Variants in TMEM40 observed in about 807,000 individuals in gnomAD.
TMEM40 encodes transmembrane protein 40.
Under a neutral mutation model 40.8 loss-of-function variants are expected in TMEM40, and 34 were observed. The observed-to-expected ratio is 0.83, with a 90% CI of 0.63 to 1.11. The LOEUF is 1.11. TMEM40 is among the 50% of genes least tolerant of loss of function. The probability of loss-of-function intolerance (pLI) is 0.00; values close to 1 mark genes in which losing one functional copy is unlikely to be tolerated. For missense variants in TMEM40, 296 were observed against 280.2 expected (o/e 1.06, Z -0.40); for synonymous variants, 106 against 107.0 (o/e 0.99, Z 0.06).
chr3:12,742,493 C>T lies in TMEM40; in HGVS notation c.316G>A (p.Glu106Lys), dbSNP rs764930665. ...GNGSPGPGHGEPDVLKDELQL... is the reference protein window; with the variant it reads ...GNGSPGPGHGKPDVLKDELQL... ...AGCTCATCCTTCAAAACGTCAGGCT[C>T]CCCATGCCCAGGACCTGGATGGAGA... The change falls in exon 5 of 12, where the codon GAG becomes AAG. Residue 106 changes from glutamate to lysine, a missense_variant. Coordinates refer to ENST00000314124, the MANE Select transcript of TMEM40 (RefSeq NM_018306.4). The T allele has an allele frequency of 1.2e-6, 2 of 1,614,004 alleles. No homozygotes were observed. The highest frequency in any genetic ancestry group is 2.2e-5 in the South Asian group (2 of 91,062).
rs1005683492 is a variant in TMEM40, at chr3:12,745,992, G to A, written c.212-2003C>T. On this transcript the variant is annotated intron_variant, in intron 3 of 11. Transcript: ENST00000314124. Reference sequence around the variant, plus strand: ...AGCTCACTGCTACCTCTGCCTCCCCGGCTTAAGTGATTCTCCTGCCTCAGC... The same window carrying A: ...AGCTCACTGCTACCTCTGCCTCCCCAGCTTAAGTGATTCTCCTGCCTCAGC... Among the ~76,000 whole-genome samples the A allele has an allele frequency of 7.3e-5, 11 of 151,422 alleles. No individual in the cohort carries two copies. In the East Asian group the frequency reaches 7.7e-4, roughly 11 times the overall value.
rs1305834984 is a variant in TMEM40, at chr3:12,736,574, T to A, written c.619+4A>T. ...TGTGTGTCCATGCTGGGGGAGGGGC[T>A]TACCTAGTCCGAAGTAGATGCCAAC... is the stretch of plus-strand genomic sequence containing the variant. On this transcript the variant is annotated splice_donor_region_variant and intron_variant, in intron 10 of 11. Transcript: ENST00000314124. 1.3e-6 allele frequency: 2 copies of A among 1,553,182 alleles called. No individual in the cohort carries two copies.
intron 1 of TMEM40, among the ~76,000 whole-genome samples, chr3:12,767,678 A>G (rs1474778668): frequency 6.6e-6 from 1 of 152,160 alleles, no homozygotes; most frequent in Non-Finnish European, 1.5e-5. Context: ...TGCTCTGAGC[A>G]GGGGCCCCAG....
At chr3:12,769,232 C>G (rs1010689941) in intron 1 of TMEM40, 2 of 407,686 alleles carry the variant, frequency 4.9e-6, no homozygotes, top group South Asian at 1.7e-5. Context: ...GGTTCCCGCC[C>G]GTGCCTTTCT....
In TMEM40 at chr3:12,748,680, T is replaced by C. The variant is rs1293946557; in HGVS notation, c.186A>G (p.Ser62=). 2 of 1,612,734 alleles carry C rather than the reference T, an allele frequency of 1.2e-6. No individual in the cohort carries two copies. Among genetic ancestry groups the C allele is most frequent in the African/African-American group, 1.3e-5 (1 of 74,976 alleles). Residue 62 remains serine, a synonymous_variant, in exon 3 of 12, where the codon TCA becomes TCG. Coordinates refer to ENST00000314124, the MANE Select transcript of TMEM40 (RefSeq NM_018306.4). ...CTGAGGAGGAGGAGGATGAAGAAGA[T>C]GAGGAGGATGAGGAGGAAGAGGAGG... ...SSSSSSSSSS[S]SSSSSSSSES...
intron 8 of TMEM40, 137 bp downstream of exon 8, chr3:12,737,570 G>A (rs2061346837): frequency 1.3e-6 from 1 of 780,354 alleles, no homozygotes; most frequent in Admixed American, 2.2e-5. Context: ...GTGATTCTGA[G>A]CTGAGTAATG....
chr3:12,762,704 C>G (rs1301885145), upstream of TMEM40, among the ~76,000 whole-genome samples: 3 of 152,122 alleles, frequency 2.0e-5, no homozygotes, highest in African/African-American at 7.2e-5. Context: ...TAGATATTTT[C>G]AAAATATAGT....
intron 1 of TMEM40, among the ~76,000 whole-genome samples, chr3:12,755,215 C>CTCTCTCTCTCTCTCTCTCTCTCTTTCTT (rs2061513030): frequency 3.1e-5 from 2 of 65,218 alleles, no homozygotes; most frequent in East Asian, 6.0e-4. Flanking sequence ...TTCTTTCTTT[C>CTCTCTCTCTCTCTCTCTCTCTCTTTCTT]TCTCTCTCTC....
At chr3:12,753,384 T>A (rs1019255043) in intron 1 of TMEM40, among the ~76,000 whole-genome samples, 1 of 151,726 alleles carries the variant, frequency 6.6e-6, no homozygotes, top group African/African-American at 2.4e-5. Context: ...ACCTAGCTAA[T>A]TTTTTAGTTT....
intron 1 of TMEM40, among the ~76,000 whole-genome samples, chr3:12,755,233 C>CTCTCTCTGTCTT (rs1553634013): frequency 4.8e-4 from 29 of 59,964 alleles, no homozygotes; most frequent in African/African-American, 1.9e-3. Flanking sequence ...CTCTCTCTCT[C>CTCTCTCTGTCTT]TCTTTCTTTC....
At position 12,757,335 on chromosome 3, in the gene TMEM40, G is replaced by A. The variant is rs187818814; in HGVS notation, c.-9+1856C>T. ...AAATACAAAATTAGCTGGGCATGGT[G>A]GCAGGTGCCTGTAATCCCAGCTACT... On this transcript the variant is annotated intron_variant, in intron 1 of 11. Coordinates refer to ENST00000314124, the MANE Select transcript of TMEM40 (RefSeq NM_018306.4). Among the ~76,000 whole-genome samples, 333 of 152,170 alleles carry A rather than the reference G, an allele frequency of 2.2e-3. 2 individuals carry two copies. The highest frequency in any genetic ancestry group is 7.6e-3 in the African/African-American group (315 of 41,512).
upstream of TMEM40, among the ~76,000 whole-genome samples, chr3:12,764,101 C>CGG (rs370285323): frequency 1.3e-5 from 2 of 151,678 alleles, no homozygotes; most frequent in African/African-American, 4.8e-5. Context: ...TTAGTAGAGA[C>CGG]GGGGGTCTCA....
At chr3:12,766,138 G>C (rs1575749558) in intron 1 of TMEM40, among the ~76,000 whole-genome samples, 2 of 152,164 alleles carry the variant, frequency 1.3e-5, no homozygotes, top group South Asian at 4.2e-4. Flanking sequence ...GGGATTACAG[G>C]CATGAGCCAC....
At chr3:12,748,396 G>A (rs1187711079) in intron 3 of TMEM40, among the ~76,000 whole-genome samples, 1 of 152,186 alleles carries the variant, frequency 6.6e-6, no homozygotes, top group Non-Finnish European at 1.5e-5. Flanking sequence ...ATTAAAAATA[G>A]CTACAGCGAT....
At chr3:12,752,609 C>T (rs559917904) in intron 1 of TMEM40, among the ~76,000 whole-genome samples, 12 of 152,048 alleles carry the variant, frequency 7.9e-5, no homozygotes, top group East Asian at 1.9e-4. Context: ...CCATCCTGGC[C>T]AACATGGTGA....
chr3:12,734,669 T>G lies in TMEM40; in HGVS notation c.*105A>C. On this transcript the variant is annotated 3_prime_UTR_variant, in exon 12 of 12. Transcript: ENST00000314124. ...AAGTGTTCTGTTTATTGGTCTGGCT[T>G]GGTCTCCTGTGCGTCTCTCAGAATG... 7.8e-7 allele frequency: 1 copy of G among 1,287,026 alleles called. No homozygotes were observed. Among genetic ancestry groups the G allele is most frequent in the Non-Finnish European group, 1.1e-6 (1 of 919,004 alleles). The allele number at this position is 1,287,026 out of a possible 1,614,324, so 79.7% of individuals were successfully genotyped here.
intron 1 of TMEM40, among the ~76,000 whole-genome samples, chr3:12,754,295 G>C (rs9310409): frequency 0.45 from 67,360 of 151,076 alleles, 15,225 homozygotes; most frequent in Non-Finnish European, 0.5. Flanking sequence ...CTGGGCGACA[G>C]AGCACGATTC....
rs536339555 is a variant in TMEM40 at position 12,750,094 on chromosome 3, C to T, written c.-8-254G>A. 6.9e-4 allele frequency among the ~76,000 whole-genome samples: 104 copies of T among 150,942 alleles called. 3 individuals carry two copies. The South Asian group carries it at 0.021, about 30-fold the overall frequency. On this transcript the variant is annotated intron_variant, in intron 1 of 11. Transcript: ENST00000314124. ...TAGCAGGGGGCTTCATGAAGGAAAT[C>T]AGTTTTTATCTGTGCCTGAAAAGTC...
chr3:12,753,766 C>T (rs1252129679), intron 1 of TMEM40, among the ~76,000 whole-genome samples: 1 of 152,196 alleles, frequency 6.6e-6, no homozygotes, highest in Non-Finnish European at 1.5e-5. Flanking sequence ...CCAAAAAGCC[C>T]AGCCCTGCTG....
Sources: allele counts gnomAD v4.1 joint callset (sites outside exome capture counted in the v4.1 genomes callset), GRCh38; gene constraint gnomAD v4.1.1; transcripts MANE v1.5; gene names NCBI Gene and HGNC (gene_info 2026-07-23, HGNC 2026-07-21).